Variants in MYO7A observed in about 807,000 individuals in gnomAD.
The protein encoded by MYO7A is unconventional myosin-VIIa.
Under a neutral mutation model 263.8 loss-of-function variants are expected in MYO7A, and 210 were observed. The observed-to-expected ratio is 0.80, with a 90% CI of 0.71 to 0.89. The LOEUF (loss-of-function observed/expected upper bound fraction) is 0.89. MYO7A is among the 40% of genes least tolerant of loss of function. The probability of loss-of-function intolerance (pLI) is 0.00; values close to 1 mark genes in which losing one functional copy is unlikely to be tolerated. For missense variants in MYO7A, 2,820 were observed against 2,968.3 expected, an observed-to-expected ratio of 0.95 and a Z score of 1.16; for synonymous variants, 1,239 against 1,197.3, an observed-to-expected ratio of 1.03 and a Z score of -0.72.
intron 44 of MYO7A, 77 bp downstream of exon 44, chr11:77,208,880 C>A: frequency 8.1e-7 from 1 of 1,227,036 alleles, no homozygotes; most frequent in South Asian, 1.3e-5. Flanking sequence ...CAGAGACCCA[C>A]TGACCTTGCC....
At chr11:77,186,611 A>T (rs1248985773) in intron 27 of MYO7A, among the ~76,000 whole-genome samples, 1 of 151,998 alleles carries the variant, frequency 6.6e-6, no homozygotes, top group Non-Finnish European at 1.5e-5. Context: ...CAACTTCCTT[A>T]CCTCTCTCAG....
At chr11:77,137,688 A>C (rs1950959128) in intron 2 of MYO7A, among the ~76,000 whole-genome samples, 1 of 152,134 alleles carries the variant, frequency 6.6e-6, no homozygotes, top group Admixed American at 6.5e-5. Context: ...GCTCTGAGCC[A>C]TCGAGGTGGT....
rs1477712099 is a variant in MYO7A at position 77,138,132 on chromosome 11, G to A, written c.19-4577G>A. Among the ~76,000 whole-genome samples, 4 of 152,232 alleles carry A rather than the reference G, an allele frequency of 2.6e-5. No individual in the cohort carries two copies. The highest frequency in any genetic ancestry group is 2.6e-4 in the Admixed American group (4 of 15,302). On this transcript the variant is annotated intron_variant, in intron 2 of 48. Coordinates refer to ENST00000409709, the MANE Select transcript of MYO7A (RefSeq NM_000260.4). The surrounding 1 kb of genome is among the most constrained non-coding windows in gnomAD (Gnocchi z 4.9). ...GGGCTGTGGGGGGTTCGGCCGAGACGGAGGGGGCCGGGGTGGCGCGGGCGC... is the reference window on the plus strand; with the variant it reads ...GGGCTGTGGGGGGTTCGGCCGAGACAGAGGGGGCCGGGGTGGCGCGGGCGC...
At chr11:77,135,663 T>G (rs1039290890) in intron 2 of MYO7A, among the ~76,000 whole-genome samples, 1 of 152,326 alleles carries the variant, frequency 6.6e-6, no homozygotes, top group Non-Finnish European at 1.5e-5. Flanking sequence ...TTTCACAACA[T>G]TTGTATTATT....
intron 27 of MYO7A, among the ~76,000 whole-genome samples, chr11:77,188,894 C>T (rs976311180): frequency 6.6e-6 from 1 of 152,184 alleles, no homozygotes; most frequent in Non-Finnish European, 1.5e-5. Flanking sequence ...TTCCTGTTTC[C>T]GCTTTGTCCG....
Position 77,194,482 on chromosome 11 carries a change from G to T in MYO7A, c.4281G>T (p.Thr1427=), listed in dbSNP as rs185607254. ...ACCGCGAGATCACGCCCCTGAAGAC[G>T]CTGGAGAAGTGGGCCCAGCTGGCCA... is the stretch of plus-strand genomic sequence containing the variant. ...IPDREITPLK[T]LEKWAQLAIA... is the part of the protein sequence containing the mutation. Residue 1427 remains threonine, a synonymous_variant, in exon 32 of 49, where the codon ACG becomes ACT. Transcript: ENST00000409709. 9.3e-6 allele frequency: 15 copies of T among 1,608,278 alleles called. No homozygotes were observed. In the South Asian group the frequency reaches 1.5e-4, roughly 16 times the overall value.
intron 16 of MYO7A, among the ~76,000 whole-genome samples, chr11:77,173,608 C>T (rs552611240): frequency 6.6e-6 from 1 of 152,226 alleles, no homozygotes; most frequent in African/African-American, 2.4e-5. Context: ...AGCACAGGCT[C>T]TGGGAGGGTT....
Position 77,213,017 on chromosome 11 carries a change from C to A in MYO7A, c.6420C>A (p.Leu2140=). The change falls in exon 47 of 49, where the codon CTC becomes CTA. Residue 2140 remains leucine (L), a synonymous_variant. Transcript: ENST00000409709. ...LIAINKYGVS[L]IDPKTKDILT... is the part of the protein sequence containing the mutation. The stretch of plus-strand genomic sequence containing the variant: ...CCATCAACAAGTATGGGGTCAGCCT[C>A]ATCGATCCCAAAACGAAGGTGAGCA... 1 of 1,582,790 alleles carries A rather than the reference C, an allele frequency of 6.3e-7. No individual in the cohort carries two copies.
intron 4 of MYO7A, among the ~76,000 whole-genome samples, chr11:77,148,797 T>G (rs1210883887): frequency 2.6e-5 from 4 of 152,244 alleles, no homozygotes; most frequent in African/African-American, 9.6e-5. Flanking sequence ...TTACTAAAAA[T>G]GACATTTCCC....
chr11:77,214,082 G>A (rs1047253566), intron 48 of MYO7A, 103 bp downstream of exon 48: 2 of 1,511,596 alleles, frequency 1.3e-6, no homozygotes, highest in African/African-American at 1.4e-5. Flanking sequence ...GGCTGGGCCT[G>A]GGGTCGTGGG....
chr11:77,162,306 C>G lies in MYO7A; in HGVS notation c.1530C>G (p.Ile510Met), dbSNP rs746423219. ...AGCCCATGAACATCATCTCCCTCAT[C>G]GATGAGGAGAGCAAGTTCCCCAAGG... ...ANKPMNIISL[I>M]DEESKFPKGT... Residue 510 changes from isoleucine to methionine, a missense_variant, in exon 13 of 49, where the codon ATC becomes ATG. By Grantham distance (10) the Ile-to-Met change is conservative. Transcript: ENST00000409709. 1.9e-6 allele frequency: 3 copies of G among 1,551,782 alleles called. No individual in the cohort carries two copies. The highest frequency in any genetic ancestry group is 2.7e-5 in the African/African-American group (2 of 73,034).
intron 48 of MYO7A, 126 bp from the exon 49 acceptor site, chr11:77,214,481 T>C (rs1433088394): frequency 1.4e-6 from 1 of 722,982 alleles, no homozygotes; most frequent in Non-Finnish European, 2.4e-6. Context: ...AGATAAGCCC[T>C]GAGTAGGAGG....
chr11:77,173,001 G>T (rs1954269352), intron 16 of MYO7A, 116 bp downstream of exon 16: 2 of 1,385,232 alleles, frequency 1.4e-6, no homozygotes, highest in Non-Finnish European at 9.6e-7. Context: ...TTTGGGGAAT[G>T]GGGGGCACCC....
Position 77,177,637 on chromosome 11 carries a change from A to G in MYO7A, c.2276A>G (p.Lys759Arg). Residue 759 changes from lysine to arginine, a missense_variant, in exon 19 of 49, where the codon AAA becomes AGA. Transcript: ENST00000409709. ...ILLQKVIRGFKDRSNFLKLKN... is the reference protein window; with the variant it reads ...ILLQKVIRGFRDRSNFLKLKN... ...CTTCAGAAAGTCATCCGGGGATTCA[A>G]AGACAGGTGCGTGTTCCCACCAGCT... 6.2e-7 allele frequency: 1 copy of G among 1,608,646 alleles called. No individual in the cohort carries two copies. The highest frequency in any genetic ancestry group is 8.5e-7 in the Non-Finnish European group (1 of 1,177,818).
chr11:77,163,277 C>T (rs1484071750), intron 14 of MYO7A, among the ~76,000 whole-genome samples: 2 of 152,182 alleles, frequency 1.3e-5, no homozygotes, highest in South Asian at 2.1e-4. Context: ...CCCCCGGCCC[C>T]CTGTAACCTG....
At position 77,205,531 on chromosome 11, in the gene MYO7A, C is replaced by A. The variant is rs1056857935; in HGVS notation, c.5550C>A (p.Leu1850=). ...CTGLFPPSNI[L]LPHVQRFLQS... ...GCCTTTTCCCACCCAGCAACATCCT[C>A]CTGCCCCACGTGCAGCGCTTCCTGC... The change falls in exon 40 of 49, where the codon CTC becomes CTA. Residue 1850 remains leucine, a synonymous_variant. Transcript: ENST00000409709. The A allele has an allele frequency of 3.7e-6, 6 of 1,608,202 alleles. No individual in the cohort carries two copies. The highest frequency in any genetic ancestry group is 5.1e-6 in the Non-Finnish European group (6 of 1,177,914).
chr11:77,202,929 G>C, intron 37 of MYO7A, 131 bp from the exon 38 acceptor site: 1 of 1,178,710 alleles, frequency 8.5e-7, no homozygotes, highest in Non-Finnish European at 1.2e-6. Flanking sequence ...GGGCAGGGAA[G>C]AGCAGGGCCT....
At chr11:77,160,798 C>G (rs963302727) in intron 11 of MYO7A, among the ~76,000 whole-genome samples, 175 bp from the exon 12 acceptor site, 1 of 152,054 alleles carries the variant, frequency 6.6e-6, no homozygotes, top group Non-Finnish European at 1.5e-5. Context: ...AGGAACTGTT[C>G]AAGCAGGAAA....
intron 16 of MYO7A, among the ~76,000 whole-genome samples, chr11:77,173,534 G>C (rs1555077952): frequency 6.6e-6 from 1 of 152,196 alleles, no homozygotes; most frequent in Non-Finnish European, 1.5e-5. Flanking sequence ...ATGCGGGACT[G>C]GGGGCTCAGG....
Sources: allele counts gnomAD v4.1 joint callset (sites outside exome capture counted in the v4.1 genomes callset), GRCh38; gene constraint gnomAD v4.1.1; non-coding constraint Gnocchi (gnomAD v3.1); transcripts MANE v1.5; gene names NCBI Gene and HGNC (gene_info 2026-07-23, HGNC 2026-07-21).